The following ASPSCR1 variants were observed in gnomAD, a reference collection of about 807,000 sequenced individuals.
The protein encoded by ASPSCR1 is ASPSCR1 tether for SLC2A4, UBX domain containing.
In ASPSCR1, 55 loss-of-function variants were observed where a neutral mutation model predicts 68.9. The ratio of observed to expected loss-of-function variants is 0.80; its 90% CI spans 0.64 to 1.00. The LOEUF (loss-of-function observed/expected upper bound fraction) is 1.00. Ranked by LOEUF, ASPSCR1 falls within the 50% of genes least tolerant of loss-of-function variation. ASPSCR1 has a pLI of 0.00. For missense variants in ASPSCR1, 765 were observed against 762.2 expected (o/e 1.00, Z -0.04); for synonymous variants, 352 against 332.6 (o/e 1.06, Z -0.63).
In ASPSCR1 at chr17:82,014,908, G is replaced by A. The variant is rs1054812833; in HGVS notation, c.1354-1568G>A. The A allele has an allele frequency of 4.1e-5, 34 of 831,428 alleles. No individual in the cohort carries two copies. The Admixed American group carries it at 9.9e-4, about 24-fold the overall frequency. 51.5% of individuals were successfully genotyped at this position (831,428 alleles called of 1,614,324 possible). A position where few individuals can be genotyped will look rare whatever the true frequency, so the allele number is the denominator to read the frequency against. On this transcript the variant is annotated intron_variant, in intron 12 of 15. Coordinates refer to ENST00000306739, the MANE Select transcript of ASPSCR1 (RefSeq NM_024083.4). ...CCTCAGGCTGTGTCAGGGCAGGGCG[G>A]GCACCCCCACTTCTCCCTGTCAGCC...
In ASPSCR1 at chr17:81,983,512, A is replaced by T; in HGVS notation, c.159-42A>T. 1 of 1,418,692 alleles carries T rather than the reference A, an allele frequency of 7.0e-7. No individual in the cohort carries two copies. Among genetic ancestry groups the T allele is most frequent in the Non-Finnish European group, 9.5e-7 (1 of 1,048,262 alleles). 87.9% of individuals were successfully genotyped at this position (1,418,692 alleles called of 1,614,324 possible). On this transcript the variant is annotated intron_variant, in intron 2 of 15. Transcript: ENST00000306739. The surrounding 1 kb of genome is among the most constrained non-coding windows in gnomAD (Gnocchi z 4.4). The stretch of plus-strand genomic sequence containing the variant: ...CGGGGCGTGGATGGCAGGGCGTGTC[A>T]GGCTCTGCAGGGCAGCAAGTGTGCT...
At chr17:81,994,718 G>A (rs1224989239) in intron 4 of ASPSCR1, 103 bp from the exon 5 acceptor site, 3 of 1,214,272 alleles carry the variant, frequency 2.5e-6, no homozygotes, top group Non-Finnish European at 3.6e-6. Flanking sequence ...GGTGCTGGGT[G>A]AGGGCCCCAC....
chr17:82,015,043 G>A (rs746037363), intron 12 of ASPSCR1: 4 of 1,574,010 alleles, frequency 2.5e-6, no homozygotes, highest in African/African-American at 2.7e-5. Context: ...GCTCTGGCTG[G>A]GGGGACGGTG....
Position 82,008,859 on chromosome 17 carries a change from G to A in ASPSCR1, c.934-178G>A. On this transcript the variant is annotated intron_variant, in intron 7 of 15. Transcript: ENST00000306739. ...GCTCTGAGTGGGGTGGGGTCCCCCA[G>A]CTGCTGTGCCCAGCCCTGCCCCCAG... 6 of 840,448 alleles carry A rather than the reference G, an allele frequency of 7.1e-6. No homozygotes were observed. The South Asian group carries it at 1.3e-4, about 19-fold the overall frequency. The allele number at this position is 840,448 out of a possible 1,614,324, so 52.1% of individuals were successfully genotyped here.
chr17:81,978,937 G>A lies in ASPSCR1; in HGVS notation c.103-247G>A, dbSNP rs1265175284. ...ATGCCCGTGTTGCTGTACTGCAGGG[G>A]AACTCTGAGTGGAGCTTTCCTACAA... On this transcript the variant is annotated intron_variant, in intron 1 of 15. Coordinates refer to ENST00000306739, the MANE Select transcript of ASPSCR1 (RefSeq NM_024083.4). 6.9e-6 allele frequency: 4 copies of A among 577,646 alleles called. No individual in the cohort carries two copies. The Admixed American group carries it at 9.0e-5, about 13-fold the overall frequency. 35.8% of individuals were successfully genotyped at this position (577,646 alleles called of 1,614,324 possible).
intron 12 of ASPSCR1, 90 bp downstream of exon 12, chr17:82,012,373 C>G: frequency 6.9e-7 from 1 of 1,453,322 alleles, no homozygotes; most frequent in Non-Finnish European, 9.6e-7. Flanking sequence ...GAAGGAGGGG[C>G]CTGGCAGGCG....
In ASPSCR1 at chr17:81,996,046, G is replaced by A. The variant is rs539253212; in HGVS notation, c.487G>A (p.Gly163Arg). 72 of 1,608,946 alleles carry A rather than the reference G, an allele frequency of 4.5e-5. 1 individual carries two copies. The South Asian group carries it at 5.3e-4, about 12-fold the overall frequency. The change falls in exon 6 of 16, where the codon GGG becomes AGG. Residue 163 changes from glycine (G) to arginine (R), a missense_variant. By Grantham distance (125) the Gly-to-Arg change is moderately radical. Coordinates refer to ENST00000306739, the MANE Select transcript of ASPSCR1 (RefSeq NM_024083.4). ...GACGCTGCAGTCGCTGGGCCTGACC[G>A]GGGGCAGCGCCACCATCAGGTAAGG... ...GTTLQSLGLT[G>R]GSATIRFVMK...
At chr17:81,995,212 G>A in intron 5 of ASPSCR1, 1 of 472,020 alleles carries the variant, frequency 2.1e-6, no homozygotes, top group Non-Finnish European at 3.7e-6. Context: ...GCCGTGGCGG[G>A]ACCCTCCTAG....
intron 7 of ASPSCR1, chr17:82,006,391 A>C (rs2042723393): frequency 6.6e-6 from 1 of 152,252 alleles, no homozygotes; most frequent in Non-Finnish European, 1.5e-5. Flanking sequence ...ATGTGCATGC[A>C]TGTTTGCCCC....
At chr17:81,978,030 C>T (rs1012539344) in intron 1 of ASPSCR1, 5 of 227,998 alleles carry the variant, frequency 2.2e-5, no homozygotes, top group Non-Finnish European at 4.2e-5. Context: ...CGGCGCCCGG[C>T]CGAGCCCAGC....
At chr17:82,010,949 G>A in intron 10 of ASPSCR1, 81 bp downstream of exon 10, 1 of 1,522,194 alleles carries the variant, frequency 6.6e-7, no homozygotes, top group Non-Finnish European at 9.0e-7. Flanking sequence ...CCAGGCCACA[G>A]GACTGCAGCC....
At position 81,996,808 on chromosome 17, in the gene ASPSCR1, C is replaced by T. The variant is rs200941868; in HGVS notation, c.895C>T (p.Arg299Trp). The change falls in exon 7 of 16, where the codon CGG (arginine) becomes TGG (tryptophan). Residue 299 changes from arginine to tryptophan, a missense_variant. By Grantham distance (101) the Arg-to-Trp change is moderately radical. Transcript: ENST00000306739. ...TCCCCAGCAGGAGCAGGAGCAGGAG[C>T]GGGAGCGGGATCCCCAGCAGGAGCA... Reference protein sequence around the residue: ...QDPQQEQEQERERDPQQEQER... With the variant: ...QDPQQEQEQEWERDPQQEQER... 5.0e-4 allele frequency: 798 copies of T among 1,607,562 alleles called. 3 individuals carry two copies. Among genetic ancestry groups the T allele is most frequent in the Non-Finnish European group, 1.8e-4 (211 of 1,177,990 alleles).
At chr17:82,007,541 C>T (rs1287194289) in intron 7 of ASPSCR1, 2 of 152,288 alleles carry the variant, frequency 1.3e-5, no homozygotes, top group Non-Finnish European at 2.9e-5. Context: ...CAGGCTGTGC[C>T]CTGGACGTGG....
rs2041857340 is a variant in ASPSCR1 at position 81,983,365 on chromosome 17, C to T, written c.159-189C>T. On this transcript the variant is annotated intron_variant, in intron 2 of 15. Transcript: ENST00000306739. This position sits in a 1 kb window ranked among gnomAD's most constrained non-coding sequence, Gnocchi z 4.4. The stretch of plus-strand genomic sequence containing the variant: ...TGCTCCCTTCTGCTTGCAGGAGGCC[C>T]CATATGATCGGGGACCCGCCTTGTG... Among the ~76,000 whole-genome samples, 1 of 152,000 alleles carries T rather than the reference C, an allele frequency of 6.6e-6. No homozygotes were observed. The highest frequency in any genetic ancestry group is 2.1e-4 in the South Asian group (1 of 4,824).
chr17:82,013,327 C>G (rs1348603421), intron 12 of ASPSCR1: 1 of 152,230 alleles, frequency 6.6e-6, no homozygotes, highest in East Asian at 1.9e-4. Context: ...CCCAGGCCTG[C>G]AGCCCACCCT....
chr17:81,996,165 G>A (rs1045902057), intron 6 of ASPSCR1, 100 bp downstream of exon 6: 6 of 1,386,344 alleles, frequency 4.3e-6, no homozygotes, highest in Admixed American at 5.0e-5. Context: ...GGGAGTAGGT[G>A]TACCCAGGCC....
chr17:82,012,864 G>A (rs897629660), intron 12 of ASPSCR1: 8 of 158,174 alleles, frequency 5.1e-5, no homozygotes, highest in African/African-American at 7.2e-5. Context: ...CAGCCCTGCT[G>A]GGCCGCCCTC....
chr17:82,012,268 G>C lies in ASPSCR1; in HGVS notation c.1338G>C (p.Thr446=). The part of the protein sequence containing the change: ...TPPKTVLDDH[T]QTLFQANLFP... ...CAAAAACAGTCCTGGACGACCACAC[G>C]CAGACCCTCTTTCAGGTACCTGAGG... Residue 446 remains threonine, a synonymous_variant, in exon 12 of 16, where the codon ACG becomes ACC. Transcript: ENST00000306739. 4 of 1,613,498 alleles carry C rather than the reference G, an allele frequency of 2.5e-6. No individual in the cohort carries two copies. Among genetic ancestry groups the C allele is most frequent in the Non-Finnish European group, 3.4e-6 (4 of 1,179,904 alleles).
In ASPSCR1 at chr17:81,983,617, C is replaced by A. The variant is rs1049035806; in HGVS notation, c.222C>A (p.Ala74=). The A allele has an allele frequency of 4.3e-6, 7 of 1,613,422 alleles. No homozygotes were observed. Among genetic ancestry groups the A allele is most frequent in the Non-Finnish European group, 5.9e-6 (7 of 1,179,940 alleles). The change falls in exon 3 of 16, where the codon GCC becomes GCA. Residue 74 remains alanine, a synonymous_variant. Coordinates refer to ENST00000306739, the MANE Select transcript of ASPSCR1 (RefSeq NM_024083.4). This position sits in a 1 kb window ranked among gnomAD's most constrained non-coding sequence, Gnocchi z 4.4. Reference sequence around the variant, plus strand: ...GATTTGCCAACCTGCCCAACAATGCCAAGCTGGAGATGGTGCCCGCTTCCC... The same window carrying A: ...GATTTGCCAACCTGCCCAACAATGCAAAGCTGGAGATGGTGCCCGCTTCCC... The part of the protein sequence containing the change: ...QWRFANLPNN[A]KLEMVPASRS...
Sources: gnomAD v4.1 joint callset for allele counts (sites outside exome capture counted in the v4.1 genomes callset) on GRCh38, gnomAD v4.1.1 for gene constraint, Gnocchi (gnomAD v3.1) non-coding constraint, MANE v1.5 for transcripts, NCBI Gene and HGNC (gene_info 2026-07-23, HGNC 2026-07-21) for gene names.